FBLN2: variants seen among roughly 807,000 people sequenced by gnomAD.
The protein encoded by FBLN2 is fibulin 2, also known as fibulin-2.
Under a neutral mutation model 123.7 loss-of-function variants are expected in FBLN2, and 81 were observed. That is an observed-to-expected ratio of 0.65 (90% CI 0.55 to 0.79). The LOEUF (loss-of-function observed/expected upper bound fraction) is 0.79, where lower values mean the gene tolerates loss of function less well. Ranked by LOEUF, FBLN2 falls within the 30% of genes least tolerant of loss-of-function variation. The pLI, the probability that FBLN2 is intolerant of heterozygous loss-of-function variation, is 0.00. For synonymous variants in FBLN2, 699 were observed against 701.4 expected (o/e 1.00, Z 0.05); for missense variants, 1,603 against 1,681.3 (o/e 0.95, Z 0.81).
At chr3:13,577,407 C>T (rs969605341) in intron 2 of FBLN2, among the ~76,000 whole-genome samples, 3 of 151,876 alleles carry the variant, frequency 2.0e-5, no homozygotes, top group Admixed American at 6.6e-5. Context: ...CCAGTGGAGC[C>T]GAGATAAGTG....
At chr3:13,626,631 T>C (rs1574996704) in intron 10 of FBLN2, 52 bp downstream of exon 10, 6 of 1,493,258 alleles carry the variant, frequency 4.0e-6, no homozygotes, top group African/African-American at 1.4e-5. Flanking sequence ...TGGCCAGTTT[T>C]GCCCCGCCCC....
intron 9 of FBLN2, among the ~76,000 whole-genome samples, chr3:13,624,674 G>A (rs565220461): frequency 6.6e-6 from 1 of 152,328 alleles, no homozygotes; most frequent in African/African-American, 2.4e-5. Context: ...AAGTGGCTCT[G>A]ATGGTCCAGA....
At chr3:13,586,643 G>A (rs9824434) in intron 2 of FBLN2, among the ~76,000 whole-genome samples, 1 of 150,322 alleles carries the variant, frequency 6.7e-6, no homozygotes, top group Non-Finnish European at 1.5e-5. Context: ...GACTACAGGC[G>A]CATGGTGCCA....
At chr3:13,619,952 G>A in intron 8 of FBLN2, 121 bp downstream of exon 8, 1 of 672,266 alleles carries the variant, frequency 1.5e-6, no homozygotes, top group Non-Finnish European at 2.5e-6. Flanking sequence ...AGTCTTGGCT[G>A]CTATGATGAG....
intron 2 of FBLN2, among the ~76,000 whole-genome samples, chr3:13,602,078 G>GA (rs1559414617): frequency 6.6e-6 from 1 of 152,200 alleles, no homozygotes; most frequent in East Asian, 1.9e-4. Flanking sequence ...ACAGGCTATG[G>GA]ATTTTATTTC....
Position 13,626,507 on chromosome 3 carries a change from C to G in FBLN2, c.2359C>G (p.Leu787Val). The G allele has an allele frequency of 1.3e-6, 2 of 1,568,926 alleles. No homozygotes were observed. The highest frequency in any genetic ancestry group is 1.7e-6 in the Non-Finnish European group (2 of 1,156,874). Residue 787 changes from leucine (L) to valine (V), a missense_variant, in exon 10 of 18, where the codon CTG (leucine) becomes GTG (valine). Coordinates refer to ENST00000404922, the MANE Select transcript of FBLN2 (RefSeq NM_001004019.2). ...CSRGEHCVNT[L>V]GSFHCYKALT... Reference sequence around the variant, plus strand: ...CCGGGGCGAGCACTGTGTGAACACACTGGGCTCCTTCCACTGCTACAAGGC... The same window carrying G: ...CCGGGGCGAGCACTGTGTGAACACAGTGGGCTCCTTCCACTGCTACAAGGC...
At chr3:13,636,393 G>C in intron 16 of FBLN2, 52 bp from the exon 17 acceptor site, 1 of 1,601,048 alleles carries the variant, frequency 6.2e-7, no homozygotes, top group Non-Finnish European at 8.5e-7. Flanking sequence ...GGGAGTTTCA[G>C]GCTGGGTCCC....
At chr3:13,589,320 G>A (rs1704599444) in intron 2 of FBLN2, among the ~76,000 whole-genome samples, 1 of 152,160 alleles carries the variant, frequency 6.6e-6, no homozygotes, top group African/African-American at 2.4e-5. Flanking sequence ...CTCTGACTGC[G>A]AACATACCAC....
At chr3:13,552,125 C>T (rs1425417343) in intron 1 of FBLN2, among the ~76,000 whole-genome samples, 1 of 152,030 alleles carries the variant, frequency 6.6e-6, no homozygotes, top group East Asian at 1.9e-4. Context: ...TGAGGAGCTG[C>T]TGGTGGATTC....
chr3:13,605,092 C>G (rs1267677922), intron 2 of FBLN2, among the ~76,000 whole-genome samples: 2 of 152,190 alleles, frequency 1.3e-5, no homozygotes, highest in African/African-American at 4.8e-5. Context: ...GATGTGGACC[C>G]AGGCCCATCA....
intron 2 of FBLN2, among the ~76,000 whole-genome samples, chr3:13,589,469 A>G (rs986707481): frequency 3.9e-5 from 6 of 152,100 alleles, no homozygotes; most frequent in African/African-American, 1.4e-4. Flanking sequence ...CTAACATCCC[A>G]GGGTTCCACC....
chr3:13,584,208 C>T (rs531991148), intron 2 of FBLN2, among the ~76,000 whole-genome samples: 82 of 152,306 alleles, frequency 5.4e-4, no homozygotes, highest in Non-Finnish European at 9.4e-4. Context: ...ATTAGCAATT[C>T]GTTCACATAT....
chr3:13,620,837 G>A (rs62233002), intron 8 of FBLN2, among the ~76,000 whole-genome samples: 14,587 of 152,254 alleles, frequency 0.096, 1,017 homozygotes, highest in Non-Finnish European at 0.13. Context: ...AGCCGAGACT[G>A]TTCTGATGTG....
At chr3:13,634,393 G>A (rs939543663) in intron 16 of FBLN2, among the ~76,000 whole-genome samples, 5 of 152,232 alleles carry the variant, frequency 3.3e-5, no homozygotes, top group Non-Finnish European at 7.3e-5. Flanking sequence ...CGCCTCCCGC[G>A]AGCTTGGTGA....
intron 5 of FBLN2, among the ~76,000 whole-genome samples, chr3:13,617,143 AATCCATCC>A (rs779072153): frequency 5.2e-5 from 7 of 134,538 alleles, no homozygotes; most frequent in Non-Finnish European, 6.0e-5. Flanking sequence ...TCCATTCATC[AATCCATCC>A]ATCCATCCAT....
At chr3:13,607,954 G>A (rs1434345507) in intron 2 of FBLN2, 108 bp from the exon 3 acceptor site, 2 of 738,472 alleles carry the variant, frequency 2.7e-6, no homozygotes, top group Non-Finnish European at 4.6e-6. Context: ...CAGCAGCAGG[G>A]GTGGATGAGT....
At chr3:13,631,592 C>G in intron 16 of FBLN2, 135 bp downstream of exon 16, 10 of 1,052,516 alleles carry the variant, frequency 9.5e-6, no homozygotes, top group Non-Finnish European at 1.3e-5. Flanking sequence ...ATGGCCAATG[C>G]TACCAGTGGC....
chr3:13,628,261 C>A (rs1396394453), intron 11 of FBLN2, among the ~76,000 whole-genome samples: 2 of 152,088 alleles, frequency 1.3e-5, no homozygotes, highest in Non-Finnish European at 2.9e-5. Context: ...AATGAGTATC[C>A]CTTTTTTTTA....
chr3:13,552,006 A>T (rs918952895), intron 1 of FBLN2, among the ~76,000 whole-genome samples: 1 of 151,776 alleles, frequency 6.6e-6, no homozygotes, highest in South Asian at 2.1e-4. Context: ...CAGCCAGCTA[A>T]TTTTCTATTT....
Sources: gnomAD v4.1 joint callset for allele counts (sites outside exome capture counted in the v4.1 genomes callset) on GRCh38, gnomAD v4.1.1 for gene constraint, MANE v1.5 for transcripts, NCBI Gene and HGNC (gene_info 2026-07-23, HGNC 2026-07-21) for gene names.